ADAM9: variants seen among roughly 807,000 people sequenced by gnomAD.
The protein encoded by ADAM9 is disintegrin and metalloproteinase domain-containing protein 9.
A neutral mutation model predicts 108.1 loss-of-function variants in ADAM9; 54 were observed. The ratio of observed to expected loss-of-function variants is 0.50; its 90% CI spans 0.40 to 0.63. The LOEUF (loss-of-function observed/expected upper bound fraction) is 0.63. Ranked by LOEUF, ADAM9 falls within the 20% of genes least tolerant of loss-of-function variation. The pLI is 0.00. For synonymous variants in ADAM9, 316 were observed against 336.0 expected (o/e 0.94, Z 0.65); for missense variants, 830 against 997.7 (o/e 0.83, Z 2.26).
chr8:39,054,263 C>G (rs1432897761), intron 12 of ADAM9, among the ~76,000 whole-genome samples: 1 of 152,126 alleles, frequency 6.6e-6, no homozygotes, highest in Non-Finnish European at 1.5e-5. Flanking sequence ...AAGTAAGGCA[C>G]ATACTATATG....
rs956943129 is a variant in ADAM9, at chr8:39,067,268, T to G, written c.1592-4030T>G. On this transcript the variant is annotated intron_variant, in intron 14 of 21. Coordinates refer to ENST00000487273, the MANE Select transcript of ADAM9 (RefSeq NM_003816.3). ...TTGGTTCCATATGAACTTTAAAGTA[T>G]TTTTTTCCAATTCTGTGAAGAAAGT... 3.5e-4 allele frequency among the ~76,000 whole-genome samples: 53 copies of G among 151,740 alleles called. 1 individual carries two copies. The highest frequency in any genetic ancestry group is 2.6e-3 in the Admixed American group (40 of 15,206).
intron 12 of ADAM9, among the ~76,000 whole-genome samples, chr8:39,045,459 T>G (rs868783685): frequency 1.2e-4 from 18 of 147,922 alleles, no homozygotes; most frequent in African/African-American, 4.2e-4. Context: ...CACACCTATA[T>G]GTGCGTGTGT....
At chr8:39,002,205 AT>A (rs1383999768) in intron 1 of ADAM9, among the ~76,000 whole-genome samples, 1 of 147,822 alleles carries the variant, frequency 6.8e-6, no homozygotes, top group African/African-American at 2.5e-5. Context: ...GTTTATTTTT[AT>A]TTTCTACAGT....
chr8:39,026,805 A>G lies in ADAM9; in HGVS notation c.1125A>G (p.Gly375=). ...CGAKSCIMNS[G]ASGSRNFSSC... ...CAAAGAGCTGCATCATGAATTCAGG[A>G]GCATCGTGAGTACCTGGGTTCTTCT... The change falls in exon 11 of 22, where the codon GGA becomes GGG. Residue 375 remains glycine, a synonymous_variant. Transcript: ENST00000487273. 6.3e-7 allele frequency: 1 copy of G among 1,575,254 alleles called. No individual in the cohort carries two copies. The highest frequency in any genetic ancestry group is 8.6e-7 in the Non-Finnish European group (1 of 1,167,714).
At chr8:39,006,769 C>A (rs79911088) in intron 1 of ADAM9, among the ~76,000 whole-genome samples, 3 of 151,938 alleles carry the variant, frequency 2.0e-5, no homozygotes, top group Non-Finnish European at 4.4e-5. Context: ...TGATTCCATG[C>A]GGATAGACTG....
At chr8:39,035,803 C>T (rs56867355) in intron 11 of ADAM9, among the ~76,000 whole-genome samples, 12,918 of 151,730 alleles carry the variant, frequency 0.085, 864 homozygotes, top group African/African-American at 0.19. Flanking sequence ...GGTGACAGAG[C>T]GAGACTCTGT....
rs561903791 is a variant in ADAM9, at chr8:39,067,622, T to C, written c.1592-3676T>C. ...ATCCTCAGACTTTGCTGAAGTTGCT[T>C]ATCAGCTTAAGGAGATTTTGGGCTG... On this transcript the variant is annotated intron_variant, in intron 14 of 21. Coordinates refer to ENST00000487273, the MANE Select transcript of ADAM9 (RefSeq NM_003816.3). Among the ~76,000 whole-genome samples, 12 of 152,376 alleles carry C rather than the reference T, an allele frequency of 7.9e-5. No homozygotes were observed. The East Asian group carries it at 2.1e-3, about 27-fold the overall frequency.
chr8:39,048,428 G>A (rs1837844986), intron 12 of ADAM9, among the ~76,000 whole-genome samples: 1 of 151,846 alleles, frequency 6.6e-6, no homozygotes, highest in South Asian at 2.1e-4. Flanking sequence ...CATCCATTTT[G>A]GTCAGAAAAT....
rs919770058 is a variant in ADAM9 at position 39,025,388 on chromosome 8, C to T, written c.915-415C>T. On this transcript the variant is annotated intron_variant, in intron 9 of 21. Transcript: ENST00000487273. ...CTGGGATTACAGGCATGAGCCACCACGTCTGGCCCATCCTTACTCCTCATG... is the reference window on the plus strand; with the variant it reads ...CTGGGATTACAGGCATGAGCCACCATGTCTGGCCCATCCTTACTCCTCATG... Among the ~76,000 whole-genome samples, 6 of 152,316 alleles carry T rather than the reference C, an allele frequency of 3.9e-5. No individual in the cohort carries two copies. In the South Asian group the frequency reaches 6.2e-4, roughly 16 times the overall value.
chr8:39,083,356 C>T (rs1302963011), intron 18 of ADAM9, among the ~76,000 whole-genome samples: 1 of 152,180 alleles, frequency 6.6e-6, no homozygotes, highest in African/African-American at 2.4e-5. Flanking sequence ...TGTTTTCCTA[C>T]AAGAATTCAG....
At chr8:39,082,910 T>C (rs1839067701) in intron 17 of ADAM9, 58 bp from the exon 18 acceptor site, 2 of 1,480,488 alleles carry the variant, frequency 1.4e-6, no homozygotes, top group South Asian at 2.3e-5. Flanking sequence ...CATTCTTGAG[T>C]TGATGATATA....
Position 39,023,228 on chromosome 8 carries a change from A to G in ADAM9, c.817A>G (p.Ile273Val), listed in dbSNP as rs1199797555. ...EIWTNGNLIN[I>V]VGGAGDVLGN... ...TTGGACCAATGGAAACCTGATCAAC[A>G]TAGTTGGGGGTGCTGGTGATGTGCT... The change falls in exon 9 of 22, where the codon ATA (isoleucine) becomes GTA (valine). Residue 273 changes from isoleucine (I) to valine (V), a missense_variant. Physicochemically the swap from Ile to Val is conservative, Grantham distance 29 (BLOSUM62 3). Coordinates refer to ENST00000487273, the MANE Select transcript of ADAM9 (RefSeq NM_003816.3). The G allele has an allele frequency of 5.6e-6, 9 of 1,613,742 alleles. No homozygotes were observed. Among genetic ancestry groups the G allele is most frequent in the Non-Finnish European group, 7.6e-6 (9 of 1,179,918 alleles).
intron 18 of ADAM9, among the ~76,000 whole-genome samples, chr8:39,087,725 T>C (rs1839219606): frequency 6.6e-6 from 1 of 152,238 alleles, no homozygotes; most frequent in African/African-American, 2.4e-5. Flanking sequence ...ATGCTTTAAT[T>C]TAAATTTTGT....
intron 20 of ADAM9, among the ~76,000 whole-genome samples, chr8:39,095,042 C>T (rs1348008331): frequency 6.6e-6 from 1 of 152,122 alleles, no homozygotes; most frequent in Non-Finnish European, 1.5e-5. Context: ...TTGGTATAGA[C>T]TTGCTATAAA....
chr8:39,083,655 C>T (rs1323134385), intron 18 of ADAM9, among the ~76,000 whole-genome samples: 1 of 152,110 alleles, frequency 6.6e-6, no homozygotes, highest in Non-Finnish European at 1.5e-5. Context: ...GAAAGTTTCC[C>T]CTGGCTGCTT....
intron 18 of ADAM9, chr8:39,089,707 T>C: frequency 1.2e-5 from 4 of 340,144 alleles, no homozygotes; most frequent in South Asian, 1.0e-4. Context: ...GTCCACTATG[T>C]ACAGATAAGT....
At chr8:39,031,975 AGT>A (rs1295524948) in intron 11 of ADAM9, among the ~76,000 whole-genome samples, 3 of 152,214 alleles carry the variant, frequency 2.0e-5, no homozygotes, top group African/African-American at 7.2e-5. Context: ...GGGTATTACC[AGT>A]GGAGGCTGCA....
intron 15 of ADAM9, among the ~76,000 whole-genome samples, chr8:39,072,642 G>A (rs1838732870): frequency 1.3e-5 from 2 of 152,330 alleles, no homozygotes; most frequent in South Asian, 2.1e-4. Flanking sequence ...TGCACCTGCT[G>A]TTCCCTCTGT....
intron 8 of ADAM9, among the ~76,000 whole-genome samples, chr8:39,022,182 T>C (rs1465451457): frequency 4.6e-5 from 7 of 152,026 alleles, no homozygotes; most frequent in Non-Finnish European, 8.8e-5. Context: ...AAGAATTAGA[T>C]ATATGTTCTT....
Sources: allele counts gnomAD v4.1 joint callset (sites outside exome capture counted in the v4.1 genomes callset), GRCh38; gene constraint gnomAD v4.1.1; transcripts MANE v1.5; gene names NCBI Gene and HGNC (gene_info 2026-07-23, HGNC 2026-07-21).